Variants in UBE2E2 observed in about 807,000 individuals in gnomAD.
The protein encoded by UBE2E2 is ubiquitin conjugating enzyme E2 E2.
UBE2E2 carries 6 observed loss-of-function variants against 24.7 expected under a neutral mutation model. That is an observed-to-expected ratio of 0.24 (90% CI 0.13 to 0.48). The LOEUF is 0.48. UBE2E2 is among the 20% of genes least tolerant of loss of function. UBE2E2 has a pLI of 0.99. For missense variants in UBE2E2, 169 were observed against 245.0 expected (o/e 0.69, Z 2.07); for synonymous variants, 104 against 83.6 (o/e 1.24, Z -1.33).
chr3:23,300,333 T>C (rs1435204813), intron 3 of UBE2E2, among the ~76,000 whole-genome samples: 4 of 152,218 alleles, frequency 2.6e-5, no homozygotes, highest in Non-Finnish European at 5.9e-5. Flanking sequence ...ATTATGATGT[T>C]AGCTGGTTAT....
chr3:23,375,770 A>G (rs1237239004), intron 3 of UBE2E2, among the ~76,000 whole-genome samples: 1 of 152,186 alleles, frequency 6.6e-6, no homozygotes, highest in Non-Finnish European at 1.5e-5. Context: ...TGCTCTAGAC[A>G]CTACAAAATT....
intron 3 of UBE2E2, among the ~76,000 whole-genome samples, chr3:23,487,239 G>T (rs1056817983): frequency 6.6e-5 from 10 of 152,188 alleles, no homozygotes; most frequent in Admixed American, 5.9e-4. Flanking sequence ...ACTGGAGCAG[G>T]TGCTGGGATT....
At position 23,377,589 on chromosome 3, in the gene UBE2E2, A is replaced by C. The variant is rs375428857; in HGVS notation, c.228-122019A>C. Among the ~76,000 whole-genome samples, 3 of 152,312 alleles carry C rather than the reference A, an allele frequency of 2.0e-5. 1 individual carries two copies. Among genetic ancestry groups the C allele is most frequent in the East Asian group, 3.9e-4 (2 of 5,184 alleles). ...CATGGCCATTATACCAAATATTGGG[A>C]GGACCTGGTGAAAGATGCTTTTAGG... On this transcript the variant is annotated intron_variant, in intron 3 of 5. Transcript: ENST00000396703.
chr3:23,260,479 A>G (rs1431841729), intron 3 of UBE2E2, among the ~76,000 whole-genome samples: 2 of 152,324 alleles, frequency 1.3e-5, no homozygotes, highest in Admixed American at 1.3e-4. Flanking sequence ...GCAAGACAGT[A>G]TCTCATGTGA....
chr3:23,483,931 G>C (rs1349184754), intron 3 of UBE2E2, among the ~76,000 whole-genome samples: 4 of 152,190 alleles, frequency 2.6e-5, no homozygotes, highest in Non-Finnish European at 5.9e-5. Context: ...AAACACAGCG[G>C]AGTTTGTCTT....
At chr3:23,370,958 G>A (rs928189190) in intron 3 of UBE2E2, among the ~76,000 whole-genome samples, 1 of 152,174 alleles carries the variant, frequency 6.6e-6, no homozygotes, top group Admixed American at 6.5e-5. Context: ...AGATTGGGTA[G>A]TAGTTAGAGT....
At chr3:23,450,019 G>A in intron 3 of UBE2E2, 1 of 754,596 alleles carries the variant, frequency 1.3e-6, no homozygotes, top group Non-Finnish European at 1.6e-6. Flanking sequence ...GAGGACCTCA[G>A]CAATTTTTTC....
At chr3:23,444,735 G>C (rs1295151144) in intron 3 of UBE2E2, among the ~76,000 whole-genome samples, 1 of 152,176 alleles carries the variant, frequency 6.6e-6, no homozygotes, top group East Asian at 1.9e-4. Flanking sequence ...TATTGGGCCA[G>C]CTGTTATTTG....
intron 3 of UBE2E2, among the ~76,000 whole-genome samples, chr3:23,295,253 CT>C (rs143550031): frequency 0.014 from 2,170 of 152,272 alleles, 53 homozygotes; most frequent in African/African-American, 0.05. Context: ...GAGCATTGCA[CT>C]TTTCTCCACT....
chr3:23,315,228 C>T (rs1302436145), intron 3 of UBE2E2, among the ~76,000 whole-genome samples: 1 of 152,044 alleles, frequency 6.6e-6, no homozygotes, highest in Non-Finnish European at 1.5e-5. Context: ...GTCCCCATTC[C>T]ATTACCAACA....
intron 3 of UBE2E2, among the ~76,000 whole-genome samples, chr3:23,345,434 TATTA>T (rs2125313723): frequency 6.6e-6 from 1 of 152,360 alleles, no homozygotes; most frequent in South Asian, 2.1e-4. Context: ...TTTTGTTACT[TATTA>T]TTTACCATAA....
At chr3:23,310,343 T>C (rs1694341792) in intron 3 of UBE2E2, among the ~76,000 whole-genome samples, 1 of 151,874 alleles carries the variant, frequency 6.6e-6, no homozygotes, top group African/African-American at 2.4e-5. Context: ...TGGGGTATTT[T>C]TGAGTTGGAT....
chr3:23,370,218 T>C (rs1575590612), intron 3 of UBE2E2, among the ~76,000 whole-genome samples: 2 of 152,244 alleles, frequency 1.3e-5, no homozygotes, highest in Non-Finnish European at 2.9e-5. Context: ...TTTTGGTCTT[T>C]GTCACTTCTA....
intron 4 of UBE2E2, among the ~76,000 whole-genome samples, chr3:23,531,097 T>A (rs1233444929): frequency 6.6e-6 from 1 of 152,218 alleles, no homozygotes; most frequent in Non-Finnish European, 1.5e-5. Context: ...TTAGAAGTAC[T>A]AATTTAACCT....
At chr3:23,342,998 T>C (rs1695441227) in intron 3 of UBE2E2, among the ~76,000 whole-genome samples, 1 of 152,124 alleles carries the variant, frequency 6.6e-6, no homozygotes, top group African/African-American at 2.4e-5. Flanking sequence ...GTGCTTATTC[T>C]TTTGGTAGCA....
intron 3 of UBE2E2, among the ~76,000 whole-genome samples, chr3:23,334,505 A>G (rs1695153405): frequency 6.6e-6 from 1 of 152,154 alleles, no homozygotes; most frequent in African/African-American, 2.4e-5. Flanking sequence ...ATATTTCACC[A>G]TTTTTTAATG....
intron 4 of UBE2E2, among the ~76,000 whole-genome samples, chr3:23,505,966 C>T (rs1326990289): frequency 1.3e-5 from 2 of 152,224 alleles, no homozygotes; most frequent in Non-Finnish European, 2.9e-5. Context: ...AGAGAGAGAT[C>T]TGTAACTGAA....
chr3:23,207,111 A>G (rs936440840), intron 1 of UBE2E2, among the ~76,000 whole-genome samples: 4 of 152,214 alleles, frequency 2.6e-5, no homozygotes, highest in African/African-American at 9.6e-5. Flanking sequence ...CATGGGGAGC[A>G]CAAGGCCTTT....
intron 3 of UBE2E2, among the ~76,000 whole-genome samples, chr3:23,221,981 T>C (rs1575480665): frequency 2.0e-5 from 3 of 152,176 alleles, no homozygotes; most frequent in Admixed American, 6.5e-5. Context: ...TATATATTTA[T>C]ATTCTTTTTT....
Sources: allele counts gnomAD v4.1 joint callset (sites outside exome capture counted in the v4.1 genomes callset), GRCh38; gene constraint gnomAD v4.1.1; transcripts MANE v1.5; gene names NCBI Gene and HGNC (gene_info 2026-07-23, HGNC 2026-07-21).